The following ALOX5 variants were observed in gnomAD, a reference collection of about 807,000 sequenced individuals.
ALOX5 encodes the protein polyunsaturated fatty acid 5-lipoxygenase.
In ALOX5, 64 loss-of-function variants were observed where a neutral mutation model predicts 87.9. The ratio of observed to expected loss-of-function variants is 0.73; its 90% CI spans 0.60 to 0.90. The LOEUF is 0.90. ALOX5 is among the 40% of genes least tolerant of loss of function. ALOX5 has a pLI of 0.00. For synonymous variants in ALOX5, 388 were observed against 355.1 expected, an observed-to-expected ratio of 1.09 and a Z score of -1.04; for missense variants, 822 against 907.5, an observed-to-expected ratio of 0.91 and a Z score of 1.21.
Position 45,444,122 on chromosome 10 carries a change from T to G in ALOX5, c.1681T>G (p.Trp561Gly), listed in dbSNP as rs1842350912. 6.5e-7 allele frequency: 1 copy of G among 1,543,312 alleles called. No individual in the cohort carries two copies. ...HAAVNFGQYD[W>G]CSWIPNAPPT... Reference sequence around the variant, plus strand: ...CTGGCGGTCGTCTCCGCAGTACGACTGGTGCTCCTGGATCCCCAATGCGCC... The same window carrying G: ...CTGGCGGTCGTCTCCGCAGTACGACGGGTGCTCCTGGATCCCCAATGCGCC... Residue 561 changes from tryptophan to glycine, a missense_variant, in exon 13 of 14, where the codon TGG becomes GGG. Transcript: ENST00000374391.
Position 45,425,533 on chromosome 10 carries a change from C to A in ALOX5, c.834+401C>A, listed in dbSNP as rs1841675483. On this transcript the variant is annotated intron_variant, in intron 6 of 13. Coordinates refer to ENST00000374391, the MANE Select transcript of ALOX5 (RefSeq NM_000698.5). This position sits in a 1 kb window ranked among gnomAD's most constrained non-coding sequence, Gnocchi z 4.4. ...GGAGAACACTGGAGAAAGAAGCAGA[C>A]CTTGTGTGAGAATAAAAAAGGGGCA... is the stretch of plus-strand genomic sequence containing the variant. 6.6e-6 allele frequency among the ~76,000 whole-genome samples: 1 copy of A among 152,126 alleles called. No individual in the cohort carries two copies. The highest frequency in any genetic ancestry group is 1.5e-5 in the Non-Finnish European group (1 of 68,028).
chr10:45,414,419 C>G (rs1241211547), intron 4 of ALOX5, among the ~76,000 whole-genome samples: 1 of 152,182 alleles, frequency 6.6e-6, no homozygotes, highest in Non-Finnish European at 1.5e-5. Context: ...CTTCCTTACA[C>G]CTTATACAAA....
Position 45,374,511 on chromosome 10 carries a change from G to T in ALOX5, c.150+82G>T, listed in dbSNP as rs567536546. On this transcript the variant is annotated intron_variant, in intron 1 of 13. Coordinates refer to ENST00000374391, the MANE Select transcript of ALOX5 (RefSeq NM_000698.5). ...TTGGACGGCAGAGGCCTGGGCGGGG[G>T]CGCCGAGGGCCCGTCGGGGCGGCCC... 3.8e-4 allele frequency: 496 copies of T among 1,302,712 alleles called. No individual in the cohort carries two copies. The African/African-American group carries it at 4.0e-3, about 10-fold the overall frequency. 80.7% of individuals were successfully genotyped at this position (1,302,712 alleles called of 1,614,324 possible). A position where few individuals can be genotyped will look rare whatever the true frequency, so the allele number is the denominator to read the frequency against.
chr10:45,412,078 G>T (rs41491445), intron 3 of ALOX5, 113 bp from the exon 4 acceptor site: 2 of 1,466,822 alleles, frequency 1.4e-6, no homozygotes, highest in Non-Finnish European at 1.9e-6. Flanking sequence ...ACTTTATTTT[G>T]AGTACATCAA....
In ALOX5 at chr10:45,412,492, C is replaced by CAGA. The variant is rs1409888258; in HGVS notation, c.554+179_554+180insAGA. Among the ~76,000 whole-genome samples, 18 of 152,134 alleles carry CAGA rather than the reference C, an allele frequency of 1.2e-4. No individual in the cohort carries two copies. In the East Asian group the frequency reaches 1.5e-3, roughly 13 times the overall value. The stretch of plus-strand genomic sequence containing the variant: ...TCTCAACGCACAATTGCAGGACAAC[C>CAGA]GGTATCTTAAAAAAGGCATAACCAG... On this transcript the variant is annotated intron_variant, in intron 4 of 13. Coordinates refer to ENST00000374391, the MANE Select transcript of ALOX5 (RefSeq NM_000698.5).
chr10:45,436,851 A>C (rs1448847975), intron 7 of ALOX5, among the ~76,000 whole-genome samples: 1 of 152,044 alleles, frequency 6.6e-6, no homozygotes, highest in Non-Finnish European at 1.5e-5. Context: ...CCAACCCATT[A>C]GCTGGGATGT....
chr10:45,374,606 C>T (rs1839520146), intron 1 of ALOX5, among the ~76,000 whole-genome samples, 177 bp downstream of exon 1: 1 of 152,138 alleles, frequency 6.6e-6, no homozygotes, highest in African/African-American at 2.4e-5. Flanking sequence ...CCCTGGGCTC[C>T]CAGTGGCCGG....
intron 2 of ALOX5, among the ~76,000 whole-genome samples, chr10:45,392,084 G>A (rs558420441): frequency 6.6e-6 from 1 of 151,250 alleles, no homozygotes; most frequent in Non-Finnish European, 1.5e-5. Context: ...AGAGGGAGGT[G>A]GGGGGGTCAG....
At chr10:45,440,758 G>A in intron 8 of ALOX5, 125 bp downstream of exon 8, 1 of 1,055,136 alleles carries the variant, frequency 9.5e-7, no homozygotes, top group Non-Finnish European at 1.4e-6. Flanking sequence ...GCCCTGGAGA[G>A]ATGTTCTCAG....
At chr10:45,396,077 G>A (rs902845841) in intron 3 of ALOX5, 141 bp downstream of exon 3, 10 of 738,210 alleles carry the variant, frequency 1.4e-5, no homozygotes, top group Non-Finnish European at 1.8e-5. Flanking sequence ...CAGTGTGGGT[G>A]CACAATCCCC....
chr10:45,401,717 C>A (rs917302086), intron 3 of ALOX5, among the ~76,000 whole-genome samples: 4 of 152,040 alleles, frequency 2.6e-5, no homozygotes, highest in African/African-American at 9.7e-5. Flanking sequence ...AGTGAAAACC[C>A]TTGTATGTGA....
intron 9 of ALOX5, 181 bp from the exon 10 acceptor site, chr10:45,442,857 C>T (rs1760920085): frequency 6.2e-6 from 4 of 648,934 alleles, no homozygotes; most frequent in Non-Finnish European, 1.0e-5. Context: ...TCCCTAGCAC[C>T]TCTCCACCCG....
chr10:45,425,196 C>T lies in ALOX5; in HGVS notation c.834+64C>T. ...GTCTGTCAGGTGGAAGCCAGTTCCT[C>T]CTGGCCAGTGCTCATAGGCCACCAA... On this transcript the variant is annotated intron_variant, in intron 6 of 13. Coordinates refer to ENST00000374391, the MANE Select transcript of ALOX5 (RefSeq NM_000698.5). The surrounding 1 kb of genome is among the most constrained non-coding windows in gnomAD (Gnocchi z 4.4). 1 of 1,542,300 alleles carries T rather than the reference C, an allele frequency of 6.5e-7. No homozygotes were observed. The highest frequency in any genetic ancestry group is 1.2e-5 in the South Asian group (1 of 83,120).
chr10:45,392,341 CTT>C (rs1194894768), intron 2 of ALOX5, among the ~76,000 whole-genome samples: 1 of 151,796 alleles, frequency 6.6e-6, no homozygotes, highest in Non-Finnish European at 1.5e-5. Context: ...ACATGGGAGA[CTT>C]TTCATTTTGT....
chr10:45,420,991 C>T (rs187191219), intron 4 of ALOX5, among the ~76,000 whole-genome samples: 7 of 152,332 alleles, frequency 4.6e-5, no homozygotes, highest in African/African-American at 1.2e-4. Context: ...CACAGTTTGG[C>T]ACAGGAGAAA....
intron 3 of ALOX5, among the ~76,000 whole-genome samples, chr10:45,402,318 T>C (rs1589007590): frequency 6.6e-6 from 1 of 152,024 alleles, no homozygotes; most frequent in East Asian, 1.9e-4. Context: ...CTCAAAACTG[T>C]CTTAGCTTCA....
In ALOX5 at chr10:45,425,058, G is replaced by A. The variant is rs2228065; in HGVS notation, c.760G>A (p.Glu254Lys). Residue 254 changes from glutamate (E) to lysine (K), a missense_variant, in exon 6 of 14, where the codon GAG (glutamate) becomes AAG (lysine). Physicochemically the swap from Glu to Lys is moderately conservative, Grantham distance 56. Transcript: ENST00000374391. The surrounding 1 kb of genome is among the most constrained non-coding windows in gnomAD (Gnocchi z 4.4). ...GATCCGGCGCTGCACAGAGCTGCCC[G>A]AGAAGCTCCCGGTGACCACGGAGAT... ...VLIRRCTELP[E>K]KLPVTTEMVE... The A allele has an allele frequency of 5.5e-3, 8,873 of 1,613,738 alleles. 315 individuals are homozygous for A. The African/African-American group carries it at 0.083, about 15-fold the overall frequency.
intron 7 of ALOX5, among the ~76,000 whole-genome samples, 196 bp from the exon 8 acceptor site, chr10:45,440,234 A>G (rs1171777196): frequency 2.0e-5 from 3 of 152,216 alleles, no homozygotes; most frequent in Non-Finnish European, 2.9e-5. Flanking sequence ...ATCCAGAGTC[A>G]TGCAGGTTGT....
chr10:45,374,492 G>C (rs1180259678), intron 1 of ALOX5, 63 bp downstream of exon 1: 2 of 1,393,546 alleles, frequency 1.4e-6, no homozygotes, highest in Non-Finnish European at 1.9e-6. Context: ...CGGTTTGGAC[G>C]GCAGAGGCCT....
Sources: allele counts gnomAD v4.1 joint callset (sites outside exome capture counted in the v4.1 genomes callset), GRCh38; gene constraint gnomAD v4.1.1; non-coding constraint Gnocchi (gnomAD v3.1); transcripts MANE v1.5; gene names NCBI Gene and HGNC (gene_info 2026-07-23, HGNC 2026-07-21).